SRCAP: variants seen among roughly 807,000 people sequenced by gnomAD.
The protein encoded by SRCAP is Snf2 related CREBBP activator protein.
A neutral mutation model predicts 263.1 loss-of-function variants in SRCAP; 46 were observed. That is an observed-to-expected ratio of 0.17 (90% CI 0.14 to 0.22). The LOEUF (loss-of-function observed/expected upper bound fraction) is 0.22. Among genes scored for constraint, SRCAP ranks in the 10% least tolerant of loss-of-function variants. The pLI, the probability that SRCAP is intolerant of heterozygous loss-of-function variation, is 1.00. For missense variants in SRCAP, 3,695 were observed against 4,181.9 expected, an observed-to-expected ratio of 0.88 and a Z score of 3.21; for synonymous variants, 1,813 against 1,662.1, an observed-to-expected ratio of 1.09 and a Z score of -2.21.
chr16:30,729,621 G>T, intron 27 of SRCAP, 49 bp downstream of exon 27: 6 of 1,595,374 alleles, frequency 3.8e-6, no homozygotes, highest in Non-Finnish European at 5.2e-6. Context: ...TCTTTTCTTA[G>T]TATTAAGACT....
At chr16:30,710,165 G>A in intron 8 of SRCAP, 37 bp downstream of exon 8, 1 of 1,591,542 alleles carries the variant, frequency 6.3e-7, no homozygotes, top group Non-Finnish European at 8.6e-7. Flanking sequence ...GTTCAGAGGG[G>A]GAACAGAGGG....
intron 3 of SRCAP, among the ~76,000 whole-genome samples, chr16:30,703,310 C>G (rs1397254885): frequency 6.6e-6 from 1 of 151,416 alleles, no homozygotes; most frequent in East Asian, 2.0e-4. Context: ...TCTCGTGCCT[C>G]AACCTCCTGA....
chr16:30,733,158 C>G lies in SRCAP; in HGVS notation c.6128-122C>G. 8.6e-7 allele frequency: 1 copy of G among 1,156,632 alleles called. No individual in the cohort carries two copies. Among genetic ancestry groups the G allele is most frequent in the Non-Finnish European group, 1.2e-6 (1 of 811,662 alleles). 71.6% of individuals were successfully genotyped at this position (1,156,632 alleles called of 1,614,324 possible). On this transcript the variant is annotated intron_variant, in intron 27 of 33. Transcript: ENST00000262518. The surrounding 1 kb of genome is among the most constrained non-coding windows in gnomAD (Gnocchi z 5.3). Reference sequence around the variant, plus strand: ...GCCGTAGTTAAACATTTTTGATCTGCTAGGCTAATTGAAACTTTGGCTTAA... The same window carrying G: ...GCCGTAGTTAAACATTTTTGATCTGGTAGGCTAATTGAAACTTTGGCTTAA...
Position 30,737,901 on chromosome 16 carries a change from G to A in SRCAP, c.7861G>A (p.Glu2621Lys). 6.2e-7 allele frequency: 1 copy of A among 1,614,214 alleles called. No individual in the cohort carries two copies. The highest frequency in any genetic ancestry group is 8.5e-7 in the Non-Finnish European group (1 of 1,180,036). The change falls in exon 34 of 34, where the codon GAG becomes AAG. Residue 2621 changes from glutamate (E) to lysine (K), a missense_variant. Coordinates refer to ENST00000262518, the MANE Select transcript of SRCAP (RefSeq NM_006662.3). ...GGCTGGCAGCATCCCCAATGGTCAA[G>A]AGCAGGAGGCACCAGATTCTGCTGA... ...LEAGSIPNGQ[E>K]QEAPDSAEGT...
intron 31 of SRCAP, among the ~76,000 whole-genome samples, chr16:30,735,412 C>A (rs1032093752): frequency 3.8e-4 from 57 of 151,888 alleles, no homozygotes; most frequent in African/African-American, 1.4e-3. Flanking sequence ...TCCCAAAGTG[C>A]TGGGATTACA....
At chr16:30,727,223 T>C (rs758216876) in intron 25 of SRCAP, among the ~76,000 whole-genome samples, 18 of 152,218 alleles carry the variant, frequency 1.2e-4, no homozygotes, top group Non-Finnish European at 2.4e-4. Context: ...TGTTGGCTAA[T>C]GTTGAGCTTT....
rs773819923 is a variant in SRCAP at position 30,736,594 on chromosome 16, G to T, written c.6978G>T (p.Glu2326Asp). The change falls in exon 33 of 34, where the codon GAG becomes GAT. Residue 2326 changes from glutamate to aspartate, a missense_variant. By Grantham distance (45) the Glu-to-Asp change is conservative (BLOSUM62 2). Around this residue, in one of 12 missense-constraint regions of SRCAP, gnomAD observed 91 missense variants for 150.6 expected, o/e 0.60. Coordinates refer to ENST00000262518, the MANE Select transcript of SRCAP (RefSeq NM_006662.3). ...AMKFLEASLEEVSREELKQAE... is the reference protein window; with the variant it reads ...AMKFLEASLEDVSREELKQAE... ...AATTCCTGGAGGCCTCACTGGAGGA[G>T]GTGAGCCGAGAGGAGCTCAAACAGG... 1 of 1,614,240 alleles carries T rather than the reference G, an allele frequency of 6.2e-7. No individual in the cohort carries two copies. Among genetic ancestry groups the T allele is most frequent in the South Asian group, 1.1e-5 (1 of 91,086 alleles).
At position 30,740,046 on chromosome 16, in the gene SRCAP, G is replaced by T; in HGVS notation, c.*313G>T. ...AGCCCCCCACCCTTAGGGGAAGGGGGAGGGGCTTCTCTACAATGAGGTTTT... is the reference window on the plus strand; with the variant it reads ...AGCCCCCCACCCTTAGGGGAAGGGGTAGGGGCTTCTCTACAATGAGGTTTT... On this transcript the variant is annotated 3_prime_UTR_variant, in exon 34 of 34. Coordinates refer to ENST00000262518, the MANE Select transcript of SRCAP (RefSeq NM_006662.3). 3.4e-6 allele frequency: 1 copy of T among 291,624 alleles called. No homozygotes were observed. The allele number at this position is 291,624 out of a possible 1,614,324, so 18.1% of individuals were successfully genotyped here. A position where few individuals can be genotyped will look rare whatever the true frequency, so the allele number is the denominator to read the frequency against.
chr16:30,720,664 C>A, intron 19 of SRCAP, 49 bp from the exon 20 acceptor site: 5 of 1,514,068 alleles, frequency 3.3e-6, no homozygotes, highest in Non-Finnish European at 4.4e-6. Context: ...ATATTGCTAC[C>A]CCTTATTCTC....
At position 30,712,402 on chromosome 16, in the gene SRCAP, G is replaced by T; in HGVS notation, c.1956G>T (p.Gln652His). ...AGATGGGGCTTGGGAAGACCATCCA[G>T]ACCATCTCTCTGCTTGCCCACTTGG... ...ADEMGLGKTI[Q>H]TISLLAHLAC... Residue 652 changes from glutamine to histidine, a missense_variant, in exon 13 of 34, where the codon CAG becomes CAT. Physicochemically the swap from Gln to His is conservative, Grantham distance 24. Transcript: ENST00000262518. 1 of 1,596,772 alleles carries T rather than the reference G, an allele frequency of 6.3e-7. No individual in the cohort carries two copies. The highest frequency in any genetic ancestry group is 1.1e-5 in the South Asian group (1 of 89,070).
rs779786545 is a variant in SRCAP, at chr16:30,713,702, C to T, written c.2484C>T (p.Arg828=). The change falls in exon 16 of 34, where the codon CGC becomes CGT. Residue 828 remains arginine (R), a synonymous_variant. Transcript: ENST00000262518. Reference sequence around the variant, plus strand: ...AGTATAATGAAGGTCTAGTCAAACGCCTCCACAAGGTAGGGCCTGCAACAG... The same window carrying T: ...AGTATAATGAAGGTCTAGTCAAACGTCTCCACAAGGTAGGGCCTGCAACAG... The part of the protein sequence containing the change: ...SQEYNEGLVK[R]LHKVLRPFLL... 7.4e-6 allele frequency: 12 copies of T among 1,613,792 alleles called. No individual in the cohort carries two copies. Among genetic ancestry groups the T allele is most frequent in the South Asian group, 1.1e-5 (1 of 91,064 alleles).
chr16:30,725,516 C>T (rs372924428), intron 25 of SRCAP: 1 of 160,018 alleles, frequency 6.2e-6, no homozygotes, highest in African/African-American at 2.4e-5. Flanking sequence ...CAGTGGGTCC[C>T]TCCACGCCCT....
At position 30,737,439 on chromosome 16, in the gene SRCAP, C is replaced by G. The variant is rs1469573832; in HGVS notation, c.7399C>G (p.Pro2467Ala). Residue 2467 changes from proline to alanine, a missense_variant, in exon 34 of 34, where the codon CCC (proline) becomes GCC (alanine). This residue lies in a region of SRCAP where 1,207 missense variants were observed against 1,142.9 expected (regional missense o/e 1.06). Coordinates refer to ENST00000262518, the MANE Select transcript of SRCAP (RefSeq NM_006662.3). ...LVPVPVSAPV[P>A]ISAPNPITIL... Reference sequence around the variant, plus strand: ...TCCTGTCCCAGTTTCTGCCCCAGTACCCATTTCAGCCCCAAATCCAATAAC... The same window carrying G: ...TCCTGTCCCAGTTTCTGCCCCAGTAGCCATTTCAGCCCCAAATCCAATAAC... The G allele has an allele frequency of 2.5e-6, 4 of 1,593,366 alleles. No homozygotes were observed. The highest frequency in any genetic ancestry group is 3.4e-6 in the Non-Finnish European group (4 of 1,168,124).
At chr16:30,728,870 G>A (rs1036486321) in intron 25 of SRCAP, 96 bp from the exon 26 acceptor site, 2 of 1,404,706 alleles carry the variant, frequency 1.4e-6, no homozygotes, top group African/African-American at 2.9e-5. Context: ...TGGATCCCAT[G>A]GTTTCTATAT....
Position 30,707,194 on chromosome 16 carries a change from C to G in SRCAP, c.318C>G (p.Ile106Met). ...IAEQAKHEAEIETRIAELRKE... is the reference protein window; with the variant it reads ...IAEQAKHEAEMETRIAELRKE... ...CTCTCCCTGATTAGGAGGCCGAGATCGAGACTCGGATTGCTGAGCTGCGGA... is the reference window on the plus strand; with the variant it reads ...CTCTCCCTGATTAGGAGGCCGAGATGGAGACTCGGATTGCTGAGCTGCGGA... The change falls in exon 5 of 34, where the codon ATC becomes ATG. Residue 106 changes from isoleucine to methionine, a missense_variant. Around this residue, in one of 12 missense-constraint regions of SRCAP, gnomAD observed 107 missense variants for 223.8 expected, o/e 0.48. Coordinates refer to ENST00000262518, the MANE Select transcript of SRCAP (RefSeq NM_006662.3). 1 of 1,614,088 alleles carries G rather than the reference C, an allele frequency of 6.2e-7. No individual in the cohort carries two copies. Among genetic ancestry groups the G allele is most frequent in the Non-Finnish European group, 8.5e-7 (1 of 1,180,008 alleles).
intron 13 of SRCAP, 28 bp downstream of exon 13, chr16:30,712,467 T>C (rs1426705491): frequency 1.9e-6 from 3 of 1,546,426 alleles, no homozygotes; most frequent in Admixed American, 2.1e-5. Context: ...CTTCTTTTGT[T>C]CCCCCTAGTC....
chr16:30,719,330 T>C (rs4436794), intron 18 of SRCAP, among the ~76,000 whole-genome samples: 148,949 of 151,920 alleles, frequency 0.98, 73,076 homozygotes, highest in Middle Eastern at 1. Context: ...AATTCTCCAT[T>C]TCAGCCTCCT....
intron 25 of SRCAP, 126 bp downstream of exon 25, chr16:30,725,208 C>G (rs892072468): frequency 1.4e-6 from 2 of 1,458,202 alleles, no homozygotes; most frequent in Admixed American, 2.6e-5. Flanking sequence ...GGACCAAGTA[C>G]TTGAGTGACA....
chr16:30,725,388 T>C, intron 25 of SRCAP: 1 of 342,904 alleles, frequency 2.9e-6, no homozygotes, highest in Non-Finnish European at 5.4e-6. Flanking sequence ...CTGTCCCTTT[T>C]ATGATTTCCG....
Sources: allele counts gnomAD v4.1 joint callset (sites outside exome capture counted in the v4.1 genomes callset), GRCh38; gene constraint gnomAD v4.1.1; regional missense constraint gnomAD v4.1.1; non-coding constraint Gnocchi (gnomAD v3.1); transcripts MANE v1.5; gene names NCBI Gene and HGNC (gene_info 2026-07-23, HGNC 2026-07-21).